CETP: variants seen among roughly 807,000 people sequenced by gnomAD.
CETP encodes BPI fold containing family F.
CETP carries 56 observed loss-of-function variants against 66.5 expected under a neutral mutation model. The observed-to-expected ratio is 0.84, with a 90% CI of 0.68 to 1.05. CETP has a LOEUF of 1.05. Among genes scored for constraint, CETP ranks in the 50% least tolerant of loss-of-function variants. The pLI is 0.00. For synonymous variants in CETP, 251 were observed against 245.7 expected, an observed-to-expected ratio of 1.02 and a Z score of -0.20; for missense variants, 612 against 609.6, an observed-to-expected ratio of 1.00 and a Z score of -0.04.
At chr16:56,976,746 C>T (rs1346849502) in intron 10 of CETP, among the ~76,000 whole-genome samples, 2 of 152,108 alleles carry the variant, frequency 1.3e-5, no homozygotes, top group Non-Finnish European at 2.9e-5. Flanking sequence ...ATTCCATTTT[C>T]CGTGTCTCTT....
At position 56,972,051 on chromosome 16, in the gene CETP, A is replaced by G. The variant is rs1471902451; in HGVS notation, c.718A>G (p.Ile240Val). 1 of 1,614,162 alleles carries G rather than the reference A, an allele frequency of 6.2e-7. No individual in the cohort carries two copies. The highest frequency in any genetic ancestry group is 1.6e-4 in the Middle Eastern group (1 of 6,062). The stretch of plus-strand genomic sequence containing the variant: ...CATTTCCCTGACAGGTGATCCCGTC[A>G]TCACAGCCTCCTACCTGGAGTCCCA... Reference protein sequence around the residue: ...VDISLTGDPVITASYLESHHK... With the variant: ...VDISLTGDPVVTASYLESHHK... The change falls in exon 8 of 16, where the codon ATC becomes GTC. Residue 240 changes from isoleucine to valine, a missense_variant. Ile to Val is a conservative substitution (Grantham distance 29). Transcript: ENST00000200676.
chr16:56,975,430 C>T (rs961510767), intron 10 of CETP, among the ~76,000 whole-genome samples: 4 of 152,154 alleles, frequency 2.6e-5, no homozygotes, highest in Non-Finnish European at 4.4e-5. Flanking sequence ...AGCTCTATTG[C>T]CCCCAAAGAT....
intron 10 of CETP, among the ~76,000 whole-genome samples, chr16:56,976,864 T>A (rs2056153420): frequency 6.6e-6 from 1 of 152,208 alleles, no homozygotes; most frequent in Non-Finnish European, 1.5e-5. Context: ...GTGTCTTATT[T>A]GTTTACTTAC....
chr16:56,982,045 T>C, intron 13 of CETP, 120 bp from the exon 14 acceptor site: 3 of 947,028 alleles, frequency 3.2e-6, no homozygotes, highest in Non-Finnish European at 5.1e-6. Flanking sequence ...CGGAGTGGGT[T>C]GGATGTATTT....
chr16:56,970,006 G>T lies in CETP; in HGVS notation c.527+5G>T. On this transcript the variant is annotated splice_donor_5th_base_variant and intron_variant, in intron 5 of 15. Coordinates refer to ENST00000200676, the MANE Select transcript of CETP (RefSeq NM_000078.3). The stretch of plus-strand genomic sequence containing the variant: ...GCATCTCCAAGGGGAGCGAGAGTAA[G>T]TACACCACCCTGTGGCCCCCATTCC... 2 of 1,612,862 alleles carry T rather than the reference G, an allele frequency of 1.2e-6. No individual in the cohort carries two copies. The highest frequency in any genetic ancestry group is 8.5e-7 in the Non-Finnish European group (1 of 1,179,588).
At chr16:56,983,031 G>C (rs1245662091) in intron 14 of CETP, among the ~76,000 whole-genome samples, 2 of 152,208 alleles carry the variant, frequency 1.3e-5, no homozygotes, top group Non-Finnish European at 2.9e-5. Context: ...CTTCCTAGCA[G>C]GGTAGACTCA....
chr16:56,978,510 TCAC>T (rs1567475044), intron 11 of CETP, among the ~76,000 whole-genome samples: 1 of 152,158 alleles, frequency 6.6e-6, no homozygotes, highest in South Asian at 2.1e-4. Context: ...AGACAGGGTC[TCAC>T]TCTGTCATCC....
In CETP at chr16:56,962,092, T is replaced by A. The variant is rs761381765; in HGVS notation, c.113T>A (p.Leu38Gln). The A allele has an allele frequency of 6.2e-7, 1 of 1,613,230 alleles. No individual in the cohort carries two copies. The highest frequency in any genetic ancestry group is 1.1e-5 in the South Asian group (1 of 91,052). ...IVCRITKPALLVLNHETAKVI... is the reference protein window; with the variant it reads ...IVCRITKPALQVLNHETAKVI... Reference sequence around the variant, plus strand: ...TGCCGCATCACCAAGCCTGCCCTCCTGGTGTGTAAGTATCAGTGCATCTGT... The same window carrying A: ...TGCCGCATCACCAAGCCTGCCCTCCAGGTGTGTAAGTATCAGTGCATCTGT... Residue 38 changes from leucine (L) to glutamine (Q), a missense_variant, in exon 1 of 16, where the codon CTG (leucine) becomes CAG (glutamine). Physicochemically the swap from Leu to Gln is moderately radical, Grantham distance 113 (BLOSUM62 -2). Transcript: ENST00000200676.
chr16:56,971,608 G>A (rs1381960910), intron 7 of CETP, among the ~76,000 whole-genome samples: 1 of 152,168 alleles, frequency 6.6e-6, no homozygotes, highest in African/African-American at 2.4e-5. Context: ...TAGAACTCAG[G>A]ACAAATGGGT....
chr16:56,973,449 T>G lies in CETP; in HGVS notation c.869T>G (p.Leu290Arg). ...TTCTCTGAGCGAGTCTTCCACTCGC[T>G]GGCCAAGGTAGCTTTCCAGGATGGC... ...FWFSERVFHSLAKVAFQDGRL... is the reference protein window; with the variant it reads ...FWFSERVFHSRAKVAFQDGRL... The change falls in exon 9 of 16, where the codon CTG becomes CGG. Residue 290 changes from leucine to arginine, a missense_variant. By Grantham distance (102) the Leu-to-Arg change is moderately radical (BLOSUM62 -2). Transcript: ENST00000200676. 1 of 1,614,222 alleles carries G rather than the reference T, an allele frequency of 6.2e-7. No homozygotes were observed. Among genetic ancestry groups the G allele is most frequent in the Non-Finnish European group, 8.5e-7 (1 of 1,180,032 alleles).
At chr16:56,973,888 T>C (rs2056131564) in intron 9 of CETP, among the ~76,000 whole-genome samples, 1 of 152,324 alleles carries the variant, frequency 6.6e-6, no homozygotes, top group African/African-American at 2.4e-5. Context: ...TCGTGATCTA[T>C]TGAGCAAGTA....
chr16:56,962,036 CA>C lies in CETP; in HGVS notation c.60del (p.Gly21AlafsTer20). The C allele has an allele frequency of 6.2e-7, 1 of 1,614,152 alleles. No individual in the cohort carries two copies. The highest frequency in any genetic ancestry group is 8.5e-7 in the Non-Finnish European group (1 of 1,180,024). On this transcript the variant is annotated frameshift_variant, in exon 1 of 16. Transcript: ENST00000200676. LOFTEE classifies it high-confidence loss of function. ...TGCTGGGCAATGCCCATGCCTGCTC[CA>C]AAGGCACCTCGCACGAGGCAGGCAT... The part of the protein sequence containing the change: ...ALLGNAHACS[K>X]GTSHEAGIVC...
intron 13 of CETP, 128 bp downstream of exon 13, chr16:56,981,808 C>T: frequency 1.1e-6 from 1 of 911,946 alleles, no homozygotes; most frequent in Non-Finnish European, 1.8e-6. Context: ...GTGGTCCATG[C>T]TGTGTCTCTT....
At chr16:56,977,052 G>A (rs993982231) in intron 10 of CETP, among the ~76,000 whole-genome samples, 1 of 151,948 alleles carries the variant, frequency 6.6e-6, no homozygotes, top group African/African-American at 2.4e-5. Flanking sequence ...GGGGTTACAG[G>A]GGTGCACCAC....
At chr16:56,975,886 C>G (rs1342854330) in intron 10 of CETP, among the ~76,000 whole-genome samples, 2 of 152,184 alleles carry the variant, frequency 1.3e-5, no homozygotes, top group Non-Finnish European at 2.9e-5. Flanking sequence ...AACTTCCCCC[C>G]CACGTCGCTG....
At chr16:56,978,387 G>A (rs2056165496) in intron 11 of CETP, 132 bp downstream of exon 11, 2 of 1,047,046 alleles carry the variant, frequency 1.9e-6, no homozygotes, top group Non-Finnish European at 2.9e-6. Context: ...GTTGTCTCTT[G>A]CACATGGCTC....
rs1326372299 is a variant in CETP, at chr16:56,975,101, G to A, written c.931G>A (p.Ala311Thr). The change falls in exon 10 of 16, where the codon GCA becomes ACA. Residue 311 changes from alanine to threonine, a missense_variant and splice_region_variant. Physicochemically the swap from Ala to Thr is moderately conservative, Grantham distance 58 (BLOSUM62 0). Coordinates refer to ENST00000200676, the MANE Select transcript of CETP (RefSeq NM_000078.3). ...CTCCAACTTCCTCATTTCTTTTCAG[G>A]CAGTGCTGGAGACCTGGGGCTTCAA... ...MLSLMGDEFK[A>T]VLETWGFNTN... 6.2e-7 allele frequency: 1 copy of A among 1,613,996 alleles called. No homozygotes were observed. The highest frequency in any genetic ancestry group is 1.1e-5 in the South Asian group (1 of 91,078).
At chr16:56,972,398 G>A (rs999465528) in intron 8 of CETP, among the ~76,000 whole-genome samples, 1 of 152,108 alleles carries the variant, frequency 6.6e-6, no homozygotes, top group Non-Finnish European at 1.5e-5. Context: ...CCCCCCCCCA[G>A]GGGGTACTGA....
rs1302718246 is a variant in CETP at position 56,962,090 on chromosome 16, C to G, written c.111C>G (p.Leu37=). ...GIVCRITKPA[L]LVLNHETAKV... is the part of the protein sequence containing the mutation. ...TGTGCCGCATCACCAAGCCTGCCCT[C>G]CTGGTGTGTAAGTATCAGTGCATCT... The change falls in exon 1 of 16, where the codon CTC becomes CTG. Residue 37 remains leucine, a synonymous_variant. Coordinates refer to ENST00000200676, the MANE Select transcript of CETP (RefSeq NM_000078.3). The G allele has an allele frequency of 6.2e-7, 1 of 1,613,438 alleles. No homozygotes were observed. Among genetic ancestry groups the G allele is most frequent in the Admixed American group, 1.7e-5 (1 of 60,028 alleles).
Sources: gnomAD v4.1 joint callset for allele counts (sites outside exome capture counted in the v4.1 genomes callset) on GRCh38, gnomAD v4.1.1 for gene constraint, MANE v1.5 for transcripts, NCBI Gene and HGNC (gene_info 2026-07-23, HGNC 2026-07-21) for gene names.